Variants in SMARCB1 observed in about 807,000 individuals in gnomAD.
SMARCB1 encodes the protein SWI/SNF related BAF chromatin remodeling complex subunit B1, also known as SWI/SNF-related matrix-associated actin-dependent regulator of chromatin subfamily B member 1.
In SMARCB1, 5 loss-of-function variants were observed where a neutral mutation model predicts 49.0. The observed-to-expected ratio is 0.10, with a 90% confidence interval of 0.05 to 0.21. SMARCB1 has a LOEUF of 0.21. Ranked by LOEUF, SMARCB1 falls within the 10% of genes least tolerant of loss-of-function variation. The pLI, the probability that SMARCB1 is intolerant of heterozygous loss-of-function variation, is 1.00. For missense variants in SMARCB1, 226 were observed against 509.2 expected (o/e 0.44, Z 5.35); for synonymous variants, 201 against 200.1 (o/e 1.00, Z -0.04).
rs1300421695 is a variant in SMARCB1 at position 23,836,955 on chromosome 22, G to T, written c.*2775G>T. The T allele has an allele frequency of 6.3e-7, 1 of 1,596,452 alleles. No individual in the cohort carries two copies. Among genetic ancestry groups the T allele is most frequent in the Admixed American group, 1.8e-5 (1 of 56,678 alleles). On this transcript the variant is annotated 3_prime_UTR_variant, in exon 9 of 9. Coordinates refer to ENST00000644036, the MANE Select transcript of SMARCB1 (RefSeq NM_003073.5). ...GGGTCTTCTGCAGGGGCATCCAGGA[G>T]CAGCTTTCTGTGGGGAGGGGCCCGT...
chr22:23,805,191 G>A (rs993943735), intron 5 of SMARCB1, among the ~76,000 whole-genome samples: 10 of 152,180 alleles, frequency 6.6e-5, no homozygotes, highest in African/African-American at 2.4e-4. Context: ...CCGGGTGCTT[G>A]TCCCGTAGGT....
rs9612483 is a variant in SMARCB1, at chr22:23,833,977, G to A, written c.1119-164G>A. ...TGGAGTGATGAGCAGGGCCTGAGTG[G>A]CAGACAGGCGAGGCTGAGAGAAGGC... On this transcript the variant is annotated intron_variant, in intron 8 of 8. Transcript: ENST00000644036. Among the ~76,000 whole-genome samples, 17,666 of 150,196 alleles carry A rather than the reference G, an allele frequency of 0.12. 1,116 individuals carry two copies. The highest frequency in any genetic ancestry group is 0.27 in the South Asian group (1,316 of 4,814).
At chr22:23,807,995 G>A (rs979237846) in intron 5 of SMARCB1, among the ~76,000 whole-genome samples, 2 of 134,800 alleles carry the variant, frequency 1.5e-5, no homozygotes, top group African/African-American at 2.8e-5. Context: ...GGAGTCTGTC[G>A]CTCAGGCTGG....
chr22:23,831,596 G>T (rs2030659288), intron 7 of SMARCB1, among the ~76,000 whole-genome samples: 1 of 152,152 alleles, frequency 6.6e-6, no homozygotes, highest in African/African-American at 2.4e-5. Context: ...TTACATGGTT[G>T]GTGCGAGCAT....
rs2031207486 is a variant in SMARCB1, at chr22:23,837,749, CGAA to C, written c.*3574_*3576del. ...AACGGTGCCTGGAAAGTGAGCAGGC[CGAA>C]GAAGTTGACCCTCACCCGAGGGCTG... On this transcript the variant is annotated 3_prime_UTR_variant, in exon 9 of 9. Coordinates refer to ENST00000644036, the MANE Select transcript of SMARCB1 (RefSeq NM_003073.5). 6.2e-7 allele frequency: 1 copy of C among 1,614,000 alleles called. No homozygotes were observed. The highest frequency in any genetic ancestry group is 1.7e-5 in the Admixed American group (1 of 60,018).
chr22:23,825,014 T>A (rs2030305809), intron 6 of SMARCB1: 10 of 612,468 alleles, frequency 1.6e-5, no homozygotes, highest in Non-Finnish European at 2.6e-5. Context: ...GTGACTGTGC[T>A]GGGCCCTGAG....
chr22:23,833,549 C>G (rs2146041352), intron 7 of SMARCB1, 23 bp from the exon 8 acceptor site: 6 of 1,614,194 alleles, frequency 3.7e-6, no homozygotes, highest in Non-Finnish European at 5.1e-6. Context: ...AGTCATTCCT[C>G]TCACTGCCTC....
At chr22:23,812,323 A>G (rs1291507736) in intron 5 of SMARCB1, among the ~76,000 whole-genome samples, 1 of 152,186 alleles carries the variant, frequency 6.6e-6, no homozygotes, top group East Asian at 1.9e-4. Context: ...TTATTTTAAA[A>G]AAGGAAAACA....
chr22:23,835,541 C>T lies in SMARCB1; in HGVS notation c.*1361C>T, dbSNP rs369802669. 14 of 985,376 alleles carry T rather than the reference C, an allele frequency of 1.4e-5. No individual in the cohort carries two copies. The East Asian group carries it at 4.5e-4, about 32-fold the overall frequency. The allele number at this position is 985,376 out of a possible 1,614,324, so 61.0% of individuals were successfully genotyped here. A position where few individuals can be genotyped will look rare whatever the true frequency, so the allele number is the denominator to read the frequency against. On this transcript the variant is annotated 3_prime_UTR_variant, in exon 9 of 9. Coordinates refer to ENST00000644036, the MANE Select transcript of SMARCB1 (RefSeq NM_003073.5). ...CCTTTGAGCACATGTTAGCATGGGACTCTTCCCAGGGAGTTTGCACTCAGG... is the reference window on the plus strand; with the variant it reads ...CCTTTGAGCACATGTTAGCATGGGATTCTTCCCAGGGAGTTTGCACTCAGG...
chr22:23,833,431 A>T, intron 7 of SMARCB1, 141 bp from the exon 8 acceptor site: 1 of 1,185,526 alleles, frequency 8.4e-7, no homozygotes, highest in Non-Finnish European at 1.2e-6. Flanking sequence ...AGCTCCCTTG[A>T]GGTTCAGGTG....
intron 3 of SMARCB1, among the ~76,000 whole-genome samples, chr22:23,799,236 C>G (rs910054075): frequency 1.3e-5 from 2 of 151,776 alleles, no homozygotes; most frequent in Non-Finnish European, 2.9e-5. Context: ...ATGCTCTCAT[C>G]TGTTTCACCC....
Position 23,786,981 on chromosome 22 carries a change from C to G in SMARCB1, c.-189C>G. 2.0e-6 allele frequency: 1 copy of G among 492,996 alleles called. No individual in the cohort carries two copies. Among genetic ancestry groups the G allele is most frequent in the South Asian group, 2.8e-5 (1 of 35,636 alleles). The allele number at this position is 492,996 out of a possible 1,614,324, so 30.5% of individuals were successfully genotyped here. ...CAGCGTCAACGCCAGCGCCTGCGCA[C>G]TGAGGGCGGCCTGGTCGTCGTCTGC... On this transcript the variant is annotated 5_prime_UTR_variant, in exon 1 of 9. Transcript: ENST00000644036.
In SMARCB1 at chr22:23,825,326, G is replaced by A. The variant is rs2229354; in HGVS notation, c.897G>A (p.Ser299=). 182,809 of 1,614,008 alleles carry A rather than the reference G, an allele frequency of 0.11. 10,981 individuals are homozygous for A. Among genetic ancestry groups the A allele is most frequent in the South Asian group, 0.18 (15,988 of 91,078 alleles). Residue 299 remains serine, a synonymous_variant, in exon 7 of 9, where the codon TCG becomes TCA. Coordinates refer to ENST00000644036, the MANE Select transcript of SMARCB1 (RefSeq NM_003073.5). The part of the protein sequence containing the change: ...SPEKFALKLC[S]ELGLGGEFVT... ...AGAAGTTTGCCCTGAAGCTGTGCTC[G>A]GAGCTGGGGTTGGGCGGGGAGTTTG...
intron 7 of SMARCB1, among the ~76,000 whole-genome samples, chr22:23,830,891 C>T (rs1601440689): frequency 6.6e-6 from 1 of 152,054 alleles, no homozygotes; most frequent in African/African-American, 2.4e-5. Context: ...CATCTCTTGA[C>T]CTCATAATCC....
intron 6 of SMARCB1, chr22:23,818,393 G>A (rs1445705475): frequency 1.3e-5 from 2 of 150,416 alleles, no homozygotes; most frequent in East Asian, 3.9e-4. Flanking sequence ...TGGACCTCGT[G>A]ATCTGCCCAC....
chr22:23,835,526 CAT>C lies in SMARCB1; in HGVS notation c.*1347_*1348del, dbSNP rs1273981013. Reference sequence around the variant, plus strand: ...TGTGAGAGGAGGGCTCCTTTGAGCACATGTTAGCATGGGACTCTTCCCAGGGA... The same window carrying C: ...TGTGAGAGGAGGGCTCCTTTGAGCACGTTAGCATGGGACTCTTCCCAGGGA... On this transcript the variant is annotated 3_prime_UTR_variant, in exon 9 of 9. Coordinates refer to ENST00000644036, the MANE Select transcript of SMARCB1 (RefSeq NM_003073.5). 5 of 985,544 alleles carry C rather than the reference CAT, an allele frequency of 5.1e-6. 1 individual carries two copies. The South Asian group carries it at 1.9e-4, about 37-fold the overall frequency. 61.0% of individuals were successfully genotyped at this position (985,544 alleles called of 1,614,324 possible).
In SMARCB1 at chr22:23,787,051, G is replaced by C. The variant is rs1928025182; in HGVS notation, c.-119G>C. ...GAGCCCGGCTGAGGCGCCAGTACCCGGCCCGGTCCGCATTTCGCCTTCCGG... is the reference window on the plus strand; with the variant it reads ...GAGCCCGGCTGAGGCGCCAGTACCCCGCCCGGTCCGCATTTCGCCTTCCGG... On this transcript the variant is annotated 5_prime_UTR_variant, in exon 1 of 9. Transcript: ENST00000644036. 5.9e-6 allele frequency: 4 copies of C among 676,710 alleles called. No individual in the cohort carries two copies. The highest frequency in any genetic ancestry group is 7.7e-6 in the Non-Finnish European group (3 of 388,296). The allele number at this position is 676,710 out of a possible 1,614,324, so 41.9% of individuals were successfully genotyped here.
chr22:23,817,270 A>T (rs1930251252), intron 6 of SMARCB1: 1 of 438,410 alleles, frequency 2.3e-6, no homozygotes, highest in Non-Finnish European at 4.2e-6. Context: ...ACCCAATAAG[A>T]TGCTGCCTTA....
intron 7 of SMARCB1, among the ~76,000 whole-genome samples, chr22:23,830,544 A>T (rs1257116110): frequency 6.6e-6 from 1 of 152,002 alleles, no homozygotes; most frequent in Non-Finnish European, 1.5e-5. Flanking sequence ...TCAGATAGAT[A>T]CATGATTTGA....
Sources: gnomAD v4.1 joint callset for allele counts (sites outside exome capture counted in the v4.1 genomes callset) on GRCh38, gnomAD v4.1.1 for gene constraint, MANE v1.5 for transcripts, NCBI Gene and HGNC (gene_info 2026-07-23, HGNC 2026-07-21) for gene names.